TFAP2D: variants seen among roughly 807,000 people sequenced by gnomAD.
The protein encoded by TFAP2D is transcription factor AP-2 delta.
In TFAP2D, 9 loss-of-function variants were observed where a neutral mutation model predicts 43.6. The observed-to-expected ratio is 0.21, with a 90% CI of 0.12 to 0.36. The LOEUF is 0.36. Ranked by LOEUF, TFAP2D falls within the 10% of genes least tolerant of loss-of-function variation. The probability of loss-of-function intolerance (pLI) is 1.00; values close to 1 mark genes in which losing one functional copy is unlikely to be tolerated. For missense variants in TFAP2D, 513 were observed against 561.4 expected (o/e 0.91, Z 0.87); for synonymous variants, 256 against 224.9 (o/e 1.14, Z -1.24).
intron 7 of TFAP2D, among the ~76,000 whole-genome samples, chr6:50,751,739 A>T (rs1034692334): frequency 2.0e-5 from 3 of 151,960 alleles, no homozygotes; most frequent in African/African-American, 7.2e-5. Flanking sequence ...ATTGGAGATT[A>T]GGTTTCAGTA....
chr6:50,757,965 G>A (rs1464894121), intron 7 of TFAP2D, among the ~76,000 whole-genome samples: 2 of 149,986 alleles, frequency 1.3e-5, no homozygotes, highest in Non-Finnish European at 3.0e-5. Flanking sequence ...TAGTATGTAT[G>A]CAATAAATAT....
intron 5 of TFAP2D, 47 bp downstream of exon 5, chr6:50,729,359 C>A: frequency 6.7e-7 from 1 of 1,503,696 alleles, no homozygotes; most frequent in Non-Finnish European, 9.2e-7. Flanking sequence ...GTTGGCGTGT[C>A]TTTGAAACTC....
intron 5 of TFAP2D, among the ~76,000 whole-genome samples, chr6:50,736,429 C>T (rs887887752): frequency 3.3e-5 from 5 of 152,088 alleles, no homozygotes; most frequent in East Asian, 3.9e-4. Flanking sequence ...ATCTAGGAGA[C>T]TCTGCTTCAG....
rs770808721 is a variant in TFAP2D, at chr6:50,715,273, A to G, written c.197A>G (p.Tyr66Cys). Residue 66 changes from tyrosine to cysteine, a missense_variant, in exon 2 of 8, where the codon TAC (tyrosine) becomes TGC (cysteine). By Grantham distance (194) the Tyr-to-Cys change is radical. Coordinates refer to ENST00000008391, the MANE Select transcript of TFAP2D (RefSeq NM_172238.4). ...CCCTACTTCTCCACTAACCACCAGTACACCCCGCTCCACCACCAGTCCTTC... is the reference window on the plus strand; with the variant it reads ...CCCTACTTCTCCACTAACCACCAGTGCACCCCGCTCCACCACCAGTCCTTC... The part of the protein sequence containing the change: ...ASPYFSTNHQ[Y>C]TPLHHQSFHY... 1 of 1,613,662 alleles carries G rather than the reference A, an allele frequency of 6.2e-7. No homozygotes were observed. Among genetic ancestry groups the G allele is most frequent in the Non-Finnish European group, 8.5e-7 (1 of 1,179,886 alleles).
chr6:50,729,319 C>CT lies in TFAP2D; in HGVS notation c.883+11dup. Reference sequence around the variant, plus strand: ...CTTACTTCCTTGGTTGAAGGTATGACTTTTCAGTTTAGCAAAATAATGCTG... The same window carrying CT: ...CTTACTTCCTTGGTTGAAGGTATGACTTTTTCAGTTTAGCAAAATAATGCTG... On this transcript the variant is annotated splice_region_variant and intron_variant, in intron 5 of 7. Transcript: ENST00000008391. The CT allele has an allele frequency of 6.2e-7, 1 of 1,610,248 alleles. No homozygotes were observed. Among genetic ancestry groups the CT allele is most frequent in the Non-Finnish European group, 8.5e-7 (1 of 1,177,390 alleles).
intron 5 of TFAP2D, among the ~76,000 whole-genome samples, chr6:50,734,263 C>T (rs1389289062): frequency 6.6e-6 from 1 of 151,942 alleles, no homozygotes; most frequent in Non-Finnish European, 1.5e-5. Context: ...CTCCTCCCAC[C>T]ACCTCTTACC....
chr6:50,773,012 G>C lies in TFAP2D; in HGVS notation c.*148G>C. ...AAAAACAAAAATGGAAATGAAAAAT[G>C]AAACAAAAAAGGACAAAACCAAAAA... is the stretch of plus-strand genomic sequence containing the variant. On this transcript the variant is annotated 3_prime_UTR_variant, in exon 8 of 8. Coordinates refer to ENST00000008391, the MANE Select transcript of TFAP2D (RefSeq NM_172238.4). The C allele has an allele frequency of 6.4e-6, 4 of 620,416 alleles. No homozygotes were observed. The highest frequency in any genetic ancestry group is 4.3e-5 in the South Asian group (1 of 23,260). 38.4% of individuals were successfully genotyped at this position (620,416 alleles called of 1,614,324 possible).
Position 50,757,445 on chromosome 6 carries a change from C to CTATATATATAATATATATAA in TFAP2D, c.1139+6122_1139+6123insATATATATAATATATATAAT, listed in dbSNP as rs1561940189. Among the ~76,000 whole-genome samples, 37 of 76,160 alleles carry CTATATATATAATATATATAA rather than the reference C, an allele frequency of 4.9e-4. 1 individual carries two copies. The highest frequency in any genetic ancestry group is 7.8e-4 in the Non-Finnish European group (31 of 39,878). The allele number at this position is 76,160 out of a possible 152,430, so 50.0% of individuals were successfully genotyped here. On this transcript the variant is annotated intron_variant, in intron 7 of 7. Coordinates refer to ENST00000008391, the MANE Select transcript of TFAP2D (RefSeq NM_172238.4). ...ATAGAATATATATAGAATATATATA[C>CTATATATATAATATATATAA]TTATTCTATATATATATAATATATA... is the stretch of plus-strand genomic sequence containing the variant.
chr6:50,772,015 G>A (rs1009401642), intron 7 of TFAP2D, among the ~76,000 whole-genome samples: 4 of 152,126 alleles, frequency 2.6e-5, no homozygotes, highest in Non-Finnish European at 5.9e-5. Context: ...ATGATAGACT[G>A]GATTAAGAAA....
intron 7 of TFAP2D, among the ~76,000 whole-genome samples, chr6:50,751,544 G>A (rs1378569421): frequency 5.9e-5 from 9 of 151,782 alleles, no homozygotes; most frequent in South Asian, 2.1e-4. Context: ...TTAAGGTGCC[G>A]GCAGAGTTAA....
intron 7 of TFAP2D, among the ~76,000 whole-genome samples, chr6:50,754,196 A>G (rs1200864607): frequency 6.6e-6 from 1 of 151,908 alleles, no homozygotes; most frequent in African/African-American, 2.4e-5. Flanking sequence ...ACTACCCTAG[A>G]CATCTCATAT....
intron 7 of TFAP2D, among the ~76,000 whole-genome samples, chr6:50,766,671 T>TTTTC: frequency 1.0e-5 from 1 of 99,286 alleles, no homozygotes; most frequent in Non-Finnish European, 2.1e-5. Context: ...TTTTTTTTTT[T>TTTTC]TTTTTTTTGA....
intron 5 of TFAP2D, among the ~76,000 whole-genome samples, chr6:50,741,704 A>T (rs1189689326): frequency 2.0e-5 from 3 of 152,044 alleles, no homozygotes; most frequent in Non-Finnish European, 4.4e-5. Flanking sequence ...TAAATTAAAA[A>T]AAAAAGGTGC....
intron 5 of TFAP2D, among the ~76,000 whole-genome samples, chr6:50,731,509 C>A (rs1359594221): frequency 6.6e-6 from 1 of 151,898 alleles, no homozygotes; most frequent in Non-Finnish European, 1.5e-5. Flanking sequence ...TATTCTCTGA[C>A]ATTTTAATTT....
intron 6 of TFAP2D, among the ~76,000 whole-genome samples, chr6:50,748,403 G>A (rs1255245483): frequency 1.3e-5 from 2 of 151,792 alleles, no homozygotes; most frequent in Non-Finnish European, 1.5e-5. Context: ...AAATATATAT[G>A]AAATCTAAAA....
intron 5 of TFAP2D, among the ~76,000 whole-genome samples, chr6:50,733,526 G>C (rs1050689024): frequency 6.6e-6 from 1 of 152,062 alleles, no homozygotes; most frequent in Non-Finnish European, 1.5e-5. Context: ...TTCTCTTCTA[G>C]AGTGGAAACT....
At position 50,717,130 on chromosome 6, in the gene TFAP2D, C is replaced by T. The variant is rs558763974; in HGVS notation, c.537+1517C>T. On this transcript the variant is annotated intron_variant, in intron 2 of 7. Transcript: ENST00000008391. ...ACCTATTTACTCCTTTTAATAGCCGCGTCTGCTGCTGATTTTTTTGTATCT... is the reference window on the plus strand; with the variant it reads ...ACCTATTTACTCCTTTTAATAGCCGTGTCTGCTGCTGATTTTTTTGTATCT... Among the ~76,000 whole-genome samples the T allele has an allele frequency of 7.9e-5, 12 of 152,284 alleles. No individual in the cohort carries two copies. In the South Asian group the frequency reaches 2.5e-3, roughly 32 times the overall value.
intron 6 of TFAP2D, among the ~76,000 whole-genome samples, chr6:50,745,645 G>C (rs1056742050): frequency 6.6e-6 from 1 of 152,146 alleles, no homozygotes; most frequent in Non-Finnish European, 1.5e-5. Flanking sequence ...AATGTTTGGG[G>C]AATGTGACAG....
chr6:50,723,753 ATTTCT>A (rs1422117545), intron 3 of TFAP2D, among the ~76,000 whole-genome samples: 1 of 152,102 alleles, frequency 6.6e-6, no homozygotes, highest in Non-Finnish European at 1.5e-5. Context: ...CTTTTCTCTA[ATTTCT>A]TTAACTGCTT....
Sources: gnomAD v4.1 joint callset for allele counts (sites outside exome capture counted in the v4.1 genomes callset) on GRCh38, gnomAD v4.1.1 for gene constraint, MANE v1.5 for transcripts, NCBI Gene and HGNC (gene_info 2026-07-23, HGNC 2026-07-21) for gene names.